The following JADE1 variants were observed in gnomAD, a reference collection of about 807,000 sequenced individuals.
JADE1 encodes the protein jade family PHD finger 1.
In JADE1, 14 loss-of-function variants were observed where a neutral mutation model predicts 81.8. The observed-to-expected ratio is 0.17, with a 90% CI of 0.11 to 0.27. The LOEUF (loss-of-function observed/expected upper bound fraction) is 0.27. Among genes scored for constraint, JADE1 ranks in the 10% least tolerant of loss-of-function variants. The probability of loss-of-function intolerance (pLI) is 1.00; values close to 1 mark genes in which losing one functional copy is unlikely to be tolerated. For synonymous variants in JADE1, 353 were observed against 391.9 expected, an observed-to-expected ratio of 0.90 and a Z score of 1.17; for missense variants, 690 against 1,047.9, an observed-to-expected ratio of 0.66 and a Z score of 4.71.
intron 8 of JADE1, among the ~76,000 whole-genome samples, chr4:128,858,441 G>T (rs535161897): frequency 1.2e-4 from 18 of 152,130 alleles, no homozygotes; most frequent in Non-Finnish European, 1.9e-4. Flanking sequence ...GGGAGCAGAG[G>T]CACTGTTTTG....
rs1732382666 is a variant in JADE1, at chr4:128,873,861, C to T, written c.*1599C>T. 6.6e-6 allele frequency: 1 copy of T among 152,562 alleles called. No individual in the cohort carries two copies. Among genetic ancestry groups the T allele is most frequent in the Non-Finnish European group, 1.5e-5 (1 of 67,998 alleles). The allele number at this position is 152,562 out of a possible 1,614,324, so 9.5% of individuals were successfully genotyped here. The stretch of plus-strand genomic sequence containing the variant: ...TTCAAGTCTTCCAGATGATTGTCAA[C>T]AACAAAAAAGGCTTATTGAATCCCA... On this transcript the variant is annotated 3_prime_UTR_variant, in exon 11 of 11. Transcript: ENST00000226319.
rs1268482450 is a variant in JADE1 at position 128,871,533 on chromosome 4, G to A, written c.1800G>A (p.Leu600=). The change falls in exon 11 of 11, where the codon TTG becomes TTA. Residue 600 remains leucine (L), a synonymous_variant. Transcript: ENST00000226319. The surrounding 1 kb of genome is among the most constrained non-coding windows in gnomAD (Gnocchi z 4.1). ...SLKKPHKRDP[L]QNSPGSEGKT... ...AAAAGCCCCATAAGCGAGATCCTTT[G>A]CAGAATAGCCCTGGAAGTGAAGGCA... The A allele has an allele frequency of 6.2e-7, 1 of 1,614,164 alleles. No homozygotes were observed. Among genetic ancestry groups the A allele is most frequent in the East Asian group, 2.2e-5 (1 of 44,870 alleles).
At chr4:128,830,827 TC>T (rs561518402) in intron 1 of JADE1, among the ~76,000 whole-genome samples, 48 of 152,356 alleles carry the variant, frequency 3.2e-4, no homozygotes, top group African/African-American at 1.1e-3. Flanking sequence ...TACTGGCCAT[TC>T]CGTCTCAGTT....
intron 2 of JADE1, among the ~76,000 whole-genome samples, chr4:128,835,060 T>C (rs1475049685): frequency 6.6e-6 from 1 of 151,672 alleles, no homozygotes; most frequent in South Asian, 2.1e-4. Context: ...CCACCAAAAG[T>C]GTGTCTGTCA....
Position 128,846,352 on chromosome 4 carries a change from T to C in JADE1, c.139-23T>C, listed in dbSNP as rs1560754419. On this transcript the variant is annotated intron_variant, in intron 3 of 10. Coordinates refer to ENST00000226319, the MANE Select transcript of JADE1 (RefSeq NM_199320.4). This position sits in a 1 kb window ranked among gnomAD's most constrained non-coding sequence, Gnocchi z 4.0. ...TAAGAATGCAAATATCAAATGTCAG[T>C]GTCCCTTTCTCTTCCTTTCCAGGTG... The C allele has an allele frequency of 1.9e-6, 3 of 1,611,192 alleles. No individual in the cohort carries two copies. The African/African-American group carries it at 4.0e-5, about 22-fold the overall frequency.
rs12509990 is a variant in JADE1, at chr4:128,813,535, C to T, written c.-27+3658C>T. On this transcript the variant is annotated intron_variant, in intron 1 of 10. Coordinates refer to ENST00000226319, the MANE Select transcript of JADE1 (RefSeq NM_199320.4). ...CTGGGTTCAAGCGATTCTCCTGCCT[C>T]AGCCCCCTGAGTAGCTGGGACTACA... 4.7e-3 allele frequency among the ~76,000 whole-genome samples: 711 copies of T among 151,734 alleles called. 29 individuals carry two copies. The highest frequency in any genetic ancestry group is 0.043 in the Admixed American group (650 of 15,212).
rs555622531 is a variant in JADE1 at position 128,816,964 on chromosome 4, T to C, written c.-27+7087T>C. ...TGGGATCTCGGCTCACTGCAGTGGG[T>C]TCAAGTGAGTCAGCCTCCGGAGTAG... On this transcript the variant is annotated intron_variant, in intron 1 of 10. Transcript: ENST00000226319. 2.7e-5 allele frequency among the ~76,000 whole-genome samples: 4 copies of C among 148,456 alleles called. No individual in the cohort carries two copies. The South Asian group carries it at 6.5e-4, about 24-fold the overall frequency.
intron 9 of JADE1, chr4:128,864,509 T>C (rs889155478): frequency 1.0e-6 from 1 of 985,330 alleles, no homozygotes; most frequent in East Asian, 1.1e-4. Flanking sequence ...ATGATGCCTG[T>C]GATGGTGAAG....
chr4:128,839,360 C>T (rs991309799), intron 2 of JADE1, among the ~76,000 whole-genome samples: 1 of 152,170 alleles, frequency 6.6e-6, no homozygotes, highest in Non-Finnish European at 1.5e-5. Context: ...TTATACAGAC[C>T]ACTTGTGTAA....
At chr4:128,852,558 G>A (rs1455348927) in intron 6 of JADE1, among the ~76,000 whole-genome samples, 1 of 151,762 alleles carries the variant, frequency 6.6e-6, no homozygotes, top group African/African-American at 2.4e-5. Flanking sequence ...GAATGTATGA[G>A]CCCCCTCTGT....
At chr4:128,824,523 A>G (rs1727873461) in intron 1 of JADE1, among the ~76,000 whole-genome samples, 1 of 152,202 alleles carries the variant, frequency 6.6e-6, no homozygotes, top group African/African-American at 2.4e-5. Flanking sequence ...TAGGTATTAG[A>G]TTTTAGCTAT....
At chr4:128,862,325 C>T in intron 9 of JADE1, 100 bp downstream of exon 9, 3 of 1,547,208 alleles carry the variant, frequency 1.9e-6, no homozygotes, top group Admixed American at 3.9e-5. Context: ...CATATACTCT[C>T]AGACCCTTGT....
chr4:128,823,859 C>T (rs1300504631), intron 1 of JADE1, among the ~76,000 whole-genome samples: 1 of 152,056 alleles, frequency 6.6e-6, no homozygotes, highest in African/African-American at 2.4e-5. Context: ...CATATTTAAG[C>T]GATTAATGTT....
intron 1 of JADE1, among the ~76,000 whole-genome samples, chr4:128,810,942 A>G (rs1726295304): frequency 6.6e-6 from 1 of 152,076 alleles, no homozygotes; most frequent in South Asian, 2.1e-4. Flanking sequence ...CTTTGGCACC[A>G]TCTGCAAATT....
chr4:128,869,451 T>G (rs924652197), intron 10 of JADE1, among the ~76,000 whole-genome samples: 1 of 152,224 alleles, frequency 6.6e-6, no homozygotes, highest in African/African-American at 2.4e-5. Context: ...CTGGGATCAC[T>G]AATACAAGTT....
chr4:128,824,978 A>G, intron 1 of JADE1, among the ~76,000 whole-genome samples: 1 of 152,108 alleles, frequency 6.6e-6, no homozygotes, highest in East Asian at 1.9e-4. Flanking sequence ...TCCTCAAATC[A>G]GTCCTTGTTT....
intron 1 of JADE1, chr4:128,810,515 A>G (rs1021695441): frequency 2.7e-5 from 4 of 146,988 alleles, no homozygotes; most frequent in Non-Finnish European, 5.9e-5. Flanking sequence ...AGTGGAAAGC[A>G]TAGTAGCAAC....
intron 9 of JADE1, 165 bp downstream of exon 9, chr4:128,862,390 CATT>C: frequency 6.9e-7 from 1 of 1,440,502 alleles, no homozygotes; most frequent in Non-Finnish European, 9.1e-7. Flanking sequence ...CTGGTAAACT[CATT>C]GTACATATGT....
chr4:128,820,625 ATGT>A (rs1727477417), intron 1 of JADE1, among the ~76,000 whole-genome samples: 2 of 152,106 alleles, frequency 1.3e-5, no homozygotes, highest in Admixed American at 1.3e-4. Flanking sequence ...GATTGTGTAA[ATGT>A]TGTTTTTGTC....
Sources: allele counts gnomAD v4.1 joint callset (sites outside exome capture counted in the v4.1 genomes callset), GRCh38; gene constraint gnomAD v4.1.1; non-coding constraint Gnocchi (gnomAD v3.1); transcripts MANE v1.5; gene names NCBI Gene and HGNC (gene_info 2026-07-23, HGNC 2026-07-21).